POTEE: variants seen among roughly 807,000 people sequenced by gnomAD.
POTEE encodes the protein POTE ankyrin domain family member E, also known as ANKRD26-like family C member 1A.
Under a neutral mutation model 74.2 loss-of-function variants are expected in POTEE, and 21 were observed. That is an observed-to-expected ratio of 0.28 (90% CI 0.20 to 0.41). The LOEUF is 0.41. POTEE is among the 10% of genes least tolerant of loss of function. The pLI is 1.00. For synonymous variants in POTEE, 211 were observed against 432.8 expected (o/e 0.49, Z 6.36); for missense variants, 525 against 1,158.6 (o/e 0.45, Z 7.94).
chr2:131,222,006 C>A (rs1252552983), intron 4 of POTEE, among the ~76,000 whole-genome samples: 5 of 152,278 alleles, frequency 3.3e-5, no homozygotes, highest in Non-Finnish European at 7.3e-5. Flanking sequence ...ATCTGCTGGG[C>A]TTGAGCAAGC....
At chr2:131,220,539 A>C (rs1428819727) in intron 4 of POTEE, among the ~76,000 whole-genome samples, 2 of 152,130 alleles carry the variant, frequency 1.3e-5, no homozygotes, top group Non-Finnish European at 2.9e-5. Context: ...GCTCATTTTA[A>C]AATTGGGCAA....
At chr2:131,243,512 T>A (rs1172871481) in intron 12 of POTEE, among the ~76,000 whole-genome samples, 1 of 151,910 alleles carries the variant, frequency 6.6e-6, no homozygotes, top group Non-Finnish European at 1.5e-5. Flanking sequence ...TGGATGTAGC[T>A]ACCTAATAAA....
At position 131,226,817 on chromosome 2, in the gene POTEE, T is replaced by C. The variant is rs746442558; in HGVS notation, c.811-6T>C. 2.5e-6 allele frequency: 4 copies of C among 1,611,536 alleles called. No individual in the cohort carries two copies. Among genetic ancestry groups the C allele is most frequent in the Non-Finnish European group, 3.4e-6 (4 of 1,179,622 alleles). ...ACATAGGTTTTTGCTTTATATTGTT[T>C]TACAGCATGGCCTCACACCACTGTT... On this transcript the variant is annotated splice_polypyrimidine_tract_variant and splice_region_variant and intron_variant, in intron 6 of 17. Coordinates refer to ENST00000683005, the MANE Select transcript of POTEE (RefSeq NM_001083538.3).
At chr2:131,236,267 G>A (rs1391566029) in intron 9 of POTEE, among the ~76,000 whole-genome samples, 1 of 152,088 alleles carries the variant, frequency 6.6e-6, no homozygotes, top group African/African-American at 2.4e-5. Context: ...GCTCTGGGAT[G>A]TCTGGAGCCC....
intron 2 of POTEE, among the ~76,000 whole-genome samples, chr2:131,215,475 A>C (rs141218260): frequency 0.034 from 5,159 of 151,914 alleles, 290 homozygotes; most frequent in African/African-American, 0.12. Context: ...AGATTTTTCA[A>C]GACTTACGCT....
intron 6 of POTEE, among the ~76,000 whole-genome samples, 183 bp downstream of exon 6, chr2:131,224,226 G>C (rs1700715257): frequency 1.3e-5 from 2 of 151,382 alleles, no homozygotes; most frequent in African/African-American, 4.9e-5. Flanking sequence ...GCATTAGAGG[G>C]TACAGTTTTT....
At chr2:131,262,823 A>G (rs1362789559) in intron 17 of POTEE, among the ~76,000 whole-genome samples, 1 of 152,284 alleles carries the variant, frequency 6.6e-6, no homozygotes, top group African/African-American at 2.4e-5. Flanking sequence ...GAGTATAGAA[A>G]TATTAGAAAT....
intron 4 of POTEE, among the ~76,000 whole-genome samples, chr2:131,221,420 A>G: frequency 6.6e-6 from 1 of 152,194 alleles, no homozygotes; most frequent in Non-Finnish European, 1.5e-5. Flanking sequence ...TGTAGAAAAT[A>G]TAATCAAACT....
At position 131,218,391 on chromosome 2, in the gene POTEE, T is replaced by TA; in HGVS notation, c.-12_-11insA. 1 of 1,612,284 alleles carries TA rather than the reference T, an allele frequency of 6.2e-7. No individual in the cohort carries two copies. The highest frequency in any genetic ancestry group is 8.5e-7 in the Non-Finnish European group (1 of 1,179,640). On this transcript the variant is annotated 5_prime_UTR_variant, in exon 4 of 18. Coordinates refer to ENST00000683005, the MANE Select transcript of POTEE (RefSeq NM_001083538.3). ...TTGGCTACTACTGGCTTCTCCTGGC[T>TA]GTTAAAAGCAGATGGTGGTTGAGGT...
At chr2:131,260,285 C>G (rs1394526471) in intron 16 of POTEE, among the ~76,000 whole-genome samples, 1 of 149,540 alleles carries the variant, frequency 6.7e-6, no homozygotes, top group African/African-American at 2.6e-5. Context: ...CTTGATATGT[C>G]TGTTGCTGTT....
intron 8 of POTEE, among the ~76,000 whole-genome samples, chr2:131,230,428 C>T (rs577103733): frequency 1.4e-3 from 207 of 152,198 alleles, no homozygotes; most frequent in Non-Finnish European, 2.3e-3. Flanking sequence ...AATGTTATCT[C>T]GTTAAACCTT....
intron 4 of POTEE, among the ~76,000 whole-genome samples, chr2:131,222,961 T>A (rs1233821073): frequency 1.3e-5 from 2 of 151,848 alleles, no homozygotes; most frequent in Non-Finnish European, 2.9e-5. Context: ...TATGCCTCAA[T>A]AAGAGAATTA....
At chr2:131,230,756 C>G (rs1325736898) in intron 8 of POTEE, 80 bp from the exon 9 acceptor site, 20 of 1,520,468 alleles carry the variant, frequency 1.3e-5, no homozygotes, top group Non-Finnish European at 1.5e-5. Flanking sequence ...TTGAAATACT[C>G]TTAATAATTC....
At position 131,263,877 on chromosome 2, in the gene POTEE, G is replaced by A. The variant is rs1559208730; in HGVS notation, c.2422G>A (p.Ala808Thr). ...GGAGCACCCCATCCTGCTGACCGAG[G>A]CCCCCCTGAACCCCAAGGCCAACCG... The part of the protein sequence containing the change: ...PEEHPILLTE[A>T]PLNPKANREK... Residue 808 changes from alanine to threonine, a missense_variant, in exon 18 of 18, where the codon GCC (alanine) becomes ACC (threonine). Coordinates refer to ENST00000683005, the MANE Select transcript of POTEE (RefSeq NM_001083538.3). 1 of 1,613,978 alleles carries A rather than the reference G, an allele frequency of 6.2e-7. No homozygotes were observed. Among genetic ancestry groups the A allele is most frequent in the South Asian group, 1.1e-5 (1 of 91,086 alleles).
chr2:131,223,743 G>A, intron 5 of POTEE, 33 bp downstream of exon 5: 1 of 1,609,884 alleles, frequency 6.2e-7, no homozygotes, highest in East Asian at 2.2e-5. Flanking sequence ...AGCATGAGGT[G>A]GGTTTGATTT....
chr2:131,219,531 G>A (rs1187067362), intron 4 of POTEE, among the ~76,000 whole-genome samples: 2 of 152,104 alleles, frequency 1.3e-5, no homozygotes, highest in East Asian at 1.9e-4. Flanking sequence ...TCAGGAGATC[G>A]AGACCATCCT....
At chr2:131,259,417 T>A (rs1447388171) in intron 16 of POTEE, among the ~76,000 whole-genome samples, 24 of 143,980 alleles carry the variant, frequency 1.7e-4, no homozygotes, top group African/African-American at 6.1e-4. Flanking sequence ...TAGGATCTAC[T>A]TTTAGTTCTT....
rs764520721 is a variant in POTEE at position 131,263,894 on chromosome 2, G to A, written c.2439G>A (p.Lys813=). The change falls in exon 18 of 18, where the codon AAG becomes AAA. Residue 813 remains lysine (K), a synonymous_variant. Transcript: ENST00000683005. The part of the protein sequence containing the change: ...ILLTEAPLNP[K]ANREKMTQIM... ...TGACCGAGGCCCCCCTGAACCCCAA[G>A]GCCAACCGCGAGAAGATGACCCAGA... 12 of 1,614,170 alleles carry A rather than the reference G, an allele frequency of 7.4e-6. No individual in the cohort carries two copies. In the African/African-American group the frequency reaches 1.3e-4, roughly 18 times the overall value.
At chr2:131,230,259 T>G (rs1446905027) in intron 8 of POTEE, among the ~76,000 whole-genome samples, 1 of 152,184 alleles carries the variant, frequency 6.6e-6, no homozygotes, top group Non-Finnish European at 1.5e-5. Flanking sequence ...GAAGCAAAAT[T>G]AGGACTTAAT....
Sources: allele counts gnomAD v4.1 joint callset (sites outside exome capture counted in the v4.1 genomes callset), GRCh38; gene constraint gnomAD v4.1.1; transcripts MANE v1.5; gene names NCBI Gene and HGNC (gene_info 2026-07-23, HGNC 2026-07-21).